SPN: variants seen among roughly 807,000 people sequenced by gnomAD.
The protein encoded by SPN is sialophorin.
Under a neutral mutation model 8.4 loss-of-function variants are expected in SPN, and 6 were observed. That is an observed-to-expected ratio of 0.72 (90% CI 0.39 to 1.42). SPN has a LOEUF of 1.42. Ranked by LOEUF, SPN falls within the 40% of genes most tolerant of loss-of-function variation. SPN has a pLI of 0.02. For synonymous variants in SPN, 201 were observed against 222.6 expected, an observed-to-expected ratio of 0.90 and a Z score of 0.86; for missense variants, 517 against 530.6, an observed-to-expected ratio of 0.97 and a Z score of 0.25.
In SPN at chr16:29,670,246, C is replaced by T; in HGVS notation, c.*5315C>T. 1 of 154,116 alleles carries T rather than the reference C, an allele frequency of 6.5e-6. No individual in the cohort carries two copies. The highest frequency in any genetic ancestry group is 1.4e-5 in the Non-Finnish European group (1 of 69,516). The allele number at this position is 154,116 out of a possible 1,614,324, so 9.5% of individuals were successfully genotyped here. On this transcript the variant is annotated 3_prime_UTR_variant, in exon 2 of 2. Coordinates refer to ENST00000652691, the MANE Select transcript of SPN (RefSeq NM_003123.6). The stretch of plus-strand genomic sequence containing the variant: ...TGGTGGCTCACACCTGTAATCCCAG[C>T]ACTTTGGGAGGCCGAGGCAGTCAGA...
At position 29,664,357 on chromosome 16, in the gene SPN, G is replaced by A. The variant is rs1448821925; in HGVS notation, c.629G>A (p.Gly210Asp). 10 of 1,613,336 alleles carry A rather than the reference G, an allele frequency of 6.2e-6. No individual in the cohort carries two copies. In the Admixed American group the frequency reaches 8.3e-5, roughly 13 times the overall value. ...GGACCCCCTGTTACCATGACAACTG[G>A]CTCTCTGGAGCCCTCCAGCGGGGCC... ...TTGPPVTMTT[G>D]SLEPSSGASG... is the part of the protein sequence containing the mutation. Residue 210 changes from glycine (G) to aspartate (D), a missense_variant, in exon 2 of 2, where the codon GGC becomes GAC. Gly to Asp is a moderately conservative substitution (Grantham distance 94). Transcript: ENST00000652691. This position sits in a 1 kb window ranked among gnomAD's most constrained non-coding sequence, Gnocchi z 6.4.
Sources: allele counts gnomAD v4.1 joint callset, GRCh38; gene constraint gnomAD v4.1.1; non-coding constraint Gnocchi (gnomAD v3.1); transcripts MANE v1.5; gene names NCBI Gene and HGNC (gene_info 2026-07-23, HGNC 2026-07-21).